The following PIK3AP1 variants were observed in gnomAD, a reference collection of about 807,000 sequenced individuals.
PIK3AP1 encodes phosphoinositide 3-kinase adapter protein 1.
Under a neutral mutation model 88.1 loss-of-function variants are expected in PIK3AP1, and 21 were observed. The ratio of observed to expected loss-of-function variants is 0.24; its 90% CI spans 0.17 to 0.34. The LOEUF is 0.34. PIK3AP1 is among the 10% of genes least tolerant of loss of function. The pLI is 1.00. For missense variants in PIK3AP1, 828 were observed against 1,035.7 expected (o/e 0.80, Z 2.75); for synonymous variants, 398 against 400.0 (o/e 1.00, Z 0.06).
intron 1 of PIK3AP1, among the ~76,000 whole-genome samples, chr10:96,713,304 T>C (rs1400004168): frequency 6.6e-6 from 1 of 150,614 alleles, no homozygotes; most frequent in Non-Finnish European, 1.5e-5. Context: ...AAAACCATCC[T>C]GGCTAACACG....
intron 1 of PIK3AP1, among the ~76,000 whole-genome samples, chr10:96,717,419 G>C (rs911342996): frequency 3.3e-5 from 5 of 152,138 alleles, no homozygotes; most frequent in Non-Finnish European, 2.9e-5. Context: ...CACCATATTT[G>C]AAGAGGGATG....
At chr10:96,674,916 G>A (rs1476030914) in intron 2 of PIK3AP1, among the ~76,000 whole-genome samples, 2 of 152,144 alleles carry the variant, frequency 1.3e-5, no homozygotes, top group African/African-American at 2.4e-5. Flanking sequence ...TTTTTGAGAC[G>A]GAGTCTCACT....
intron 8 of PIK3AP1, among the ~76,000 whole-genome samples, chr10:96,637,314 TCA>T (rs55885337): frequency 0.049 from 6,238 of 127,770 alleles, 190 homozygotes; most frequent in African/African-American, 0.092. Flanking sequence ...AGATATACAA[TCA>T]CACACACACA....
At chr10:96,667,603 C>T (rs1040681879) in intron 2 of PIK3AP1, among the ~76,000 whole-genome samples, 7 of 152,052 alleles carry the variant, frequency 4.6e-5, no homozygotes, top group African/African-American at 1.7e-4. Context: ...ATCCATCTGC[C>T]AGGGTTTCCC....
intron 2 of PIK3AP1, among the ~76,000 whole-genome samples, chr10:96,668,886 T>C (rs1160032607): frequency 1.3e-5 from 2 of 152,090 alleles, no homozygotes; most frequent in Admixed American, 1.3e-4. Flanking sequence ...TCCCAGCACT[T>C]TGGGAGACCA....
At chr10:96,620,274 A>G in intron 12 of PIK3AP1, 78 bp downstream of exon 12, 1 of 1,447,936 alleles carries the variant, frequency 6.9e-7, no homozygotes, top group Non-Finnish European at 9.6e-7. Context: ...GCAATACACA[A>G]GACAGCCATG....
chr10:96,597,255 TTTC>T (rs1848772562), intron 16 of PIK3AP1, among the ~76,000 whole-genome samples: 1 of 137,666 alleles, frequency 7.3e-6, no homozygotes, highest in Non-Finnish European at 1.6e-5. Flanking sequence ...GCCTTCTTTT[TTTC>T]TTTCTTTCTT....
At chr10:96,688,528 G>A (rs1309210610) in intron 2 of PIK3AP1, among the ~76,000 whole-genome samples, 1 of 152,198 alleles carries the variant, frequency 6.6e-6, no homozygotes, top group Non-Finnish European at 1.5e-5. Flanking sequence ...GCTGGGCGCG[G>A]TGGCTCACGC....
intron 16 of PIK3AP1, 42 bp from the exon 17 acceptor site, chr10:96,595,676 G>T: frequency 6.3e-7 from 1 of 1,591,318 alleles, no homozygotes; most frequent in Non-Finnish European, 8.6e-7. Context: ...AAACTAATTT[G>T]ATTAAACAGT....
At position 96,686,721 on chromosome 10, in the gene PIK3AP1, A is replaced by G. The variant is rs182873977; in HGVS notation, c.430+22846T>C. ...CCTCTGTTAAATACAGAGACAGCAC[A>G]GTCAGGTTCCTGCAGACTGCGTGTG... On this transcript the variant is annotated intron_variant, in intron 2 of 16. Transcript: ENST00000339364. Among the ~76,000 whole-genome samples the G allele has an allele frequency of 5.3e-5, 8 of 152,076 alleles. No homozygotes were observed. The East Asian group carries it at 1.5e-3, about 29-fold the overall frequency.
At chr10:96,704,366 G>C (rs1015377646) in intron 2 of PIK3AP1, among the ~76,000 whole-genome samples, 4 of 152,194 alleles carry the variant, frequency 2.6e-5, no homozygotes, top group African/African-American at 9.7e-5. Flanking sequence ...TAGACCCCTT[G>C]TTTGTACTCA....
At chr10:96,641,358 A>T (rs1843387077) in intron 8 of PIK3AP1, among the ~76,000 whole-genome samples, 1 of 152,144 alleles carries the variant, frequency 6.6e-6, no homozygotes. Context: ...TCCCAACAAC[A>T]GTTAGGTGAT....
intron 2 of PIK3AP1, among the ~76,000 whole-genome samples, chr10:96,667,222 C>G (rs1207700064): frequency 6.6e-6 from 1 of 152,250 alleles, no homozygotes; most frequent in Non-Finnish European, 1.5e-5. Context: ...CCACAGTGCT[C>G]ACTGCCTCTT....
At chr10:96,606,502 C>T (rs955654976) in intron 14 of PIK3AP1, among the ~76,000 whole-genome samples, 5 of 152,250 alleles carry the variant, frequency 3.3e-5, no homozygotes, top group Non-Finnish European at 7.3e-5. Flanking sequence ...CTTAAATCTT[C>T]AACCCCAATG....
intron 2 of PIK3AP1, 58 bp downstream of exon 2, chr10:96,709,509 C>T: frequency 2.0e-6 from 3 of 1,530,696 alleles, no homozygotes. Flanking sequence ...AAACTTACAC[C>T]TAGGACCTGG....
chr10:96,664,754 T>A (rs1217201328), intron 2 of PIK3AP1, among the ~76,000 whole-genome samples: 4 of 152,154 alleles, frequency 2.6e-5, no homozygotes, highest in Non-Finnish European at 4.4e-5. Flanking sequence ...GCTCACTCAT[T>A]TCAGGAAGTT....
chr10:96,623,306 A>AC (rs1414286093), intron 11 of PIK3AP1, among the ~76,000 whole-genome samples, 166 bp downstream of exon 11: 3 of 151,658 alleles, frequency 2.0e-5, no homozygotes, highest in Admixed American at 6.6e-5. Flanking sequence ...CGAGTGATTC[A>AC]CCCCCCTTAG....
At chr10:96,700,603 G>A (rs773100439) in intron 2 of PIK3AP1, among the ~76,000 whole-genome samples, 3 of 152,136 alleles carry the variant, frequency 2.0e-5, no homozygotes, top group Non-Finnish European at 4.4e-5. Context: ...CCTTCAGCAG[G>A]GGGTATTTAA....
In PIK3AP1 at chr10:96,628,875, C is replaced by CACACACACATATATACATATATATAT. The variant is rs1564961141; in HGVS notation, c.1376-383_1376-382insATATATATATGTATATATGTGTGTGT. On this transcript the variant is annotated intron_variant, in intron 8 of 16. Transcript: ENST00000339364. ...ATATATACACACACACATATATACA[C>CACACACACATATATACATATATATAT]ATATATATATATACATATATATATA... 1.2e-4 allele frequency among the ~76,000 whole-genome samples: 11 copies of CACACACACATATATACATATATATAT among 90,910 alleles called. 1 individual carries two copies. The highest frequency in any genetic ancestry group is 3.6e-4 in the South Asian group (1 of 2,768). 59.6% of individuals were successfully genotyped at this position (90,910 alleles called of 152,430 possible).
Sources: allele counts gnomAD v4.1 joint callset (sites outside exome capture counted in the v4.1 genomes callset), GRCh38; gene constraint gnomAD v4.1.1; transcripts MANE v1.5; gene names NCBI Gene and HGNC (gene_info 2026-07-23, HGNC 2026-07-21).